The following MGAT4C variants were observed in gnomAD, a reference collection of about 807,000 sequenced individuals.
MGAT4C encodes alpha-1,3-mannosyl-glycoprotein 4-beta-N-acetylglucosaminyltransferase C.
Under a neutral mutation model 40.1 loss-of-function variants are expected in MGAT4C, and 19 were observed. The ratio of observed to expected loss-of-function variants is 0.47; its 90% CI spans 0.33 to 0.70. The LOEUF (loss-of-function observed/expected upper bound fraction) is 0.70. MGAT4C is among the 30% of genes least tolerant of loss of function. The pLI, the probability that MGAT4C is intolerant of heterozygous loss-of-function variation, is 0.02. For missense variants in MGAT4C, 491 were observed against 563.2 expected, an observed-to-expected ratio of 0.87 and a Z score of 1.30; for synonymous variants, 181 against 187.1, an observed-to-expected ratio of 0.97 and a Z score of 0.27.
At chr12:86,590,424 T>C (rs909601181) in intron 2 of MGAT4C, among the ~76,000 whole-genome samples, 1 of 151,906 alleles carries the variant, frequency 6.6e-6, no homozygotes. Context: ...GCTCACTACA[T>C]ATGGCTTCAT....
intron 2 of MGAT4C, among the ~76,000 whole-genome samples, chr12:86,563,145 A>C (rs1277621887): frequency 6.6e-6 from 1 of 152,176 alleles, no homozygotes. Context: ...GAACACTTGC[A>C]TCCCTGAAGA....
At position 86,485,525 on chromosome 12, in the gene MGAT4C, A is replaced by G. The variant is rs1425861745; in HGVS notation, c.-228-50260T>C. On this transcript the variant is annotated intron_variant, in intron 2 of 7. Transcript: ENST00000548651. ...GTTCTTCAAGTCAACTCACTCAGAA[A>G]TTAATAATAAAGAAAAGAAATTTAA... 3.3e-5 allele frequency among the ~76,000 whole-genome samples: 5 copies of G among 152,328 alleles called. No individual in the cohort carries two copies. The South Asian group carries it at 8.3e-4, about 25-fold the overall frequency.
intron 2 of MGAT4C, among the ~76,000 whole-genome samples, chr12:86,027,371 T>A (rs1890334379): frequency 6.6e-6 from 1 of 151,902 alleles, no homozygotes; most frequent in African/African-American, 2.4e-5. Context: ...GTAATTTTGT[T>A]ACATTTTTAT....
intron 2 of MGAT4C, among the ~76,000 whole-genome samples, chr12:86,650,374 C>A (rs1483657432): frequency 6.6e-6 from 1 of 151,886 alleles, no homozygotes; most frequent in South Asian, 2.1e-4. Flanking sequence ...CAAAGAGGAA[C>A]CCCATTATTA....
intron 3 of MGAT4C, among the ~76,000 whole-genome samples, chr12:86,420,397 A>G (rs1271868606): frequency 6.6e-6 from 1 of 152,254 alleles, no homozygotes; most frequent in Middle Eastern, 3.4e-3. Flanking sequence ...GAAAATTAAA[A>G]AAAAATTAAA....
chr12:86,461,285 T>C (rs995500946), intron 2 of MGAT4C, among the ~76,000 whole-genome samples: 6 of 146,952 alleles, frequency 4.1e-5, no homozygotes, highest in Non-Finnish European at 9.0e-5. Flanking sequence ...GTCGCCCAGG[T>C]CGGACTGCGG....
In MGAT4C at chr12:86,137,143, G is replaced by A. The variant is rs557150884; in HGVS notation, c.-56-87420C>T. ...ACCTTATATACATTCTTTCCAAGTC[G>A]AAATGAATTATTTTCAGCATCCCAT... On this transcript the variant is annotated intron_variant, in intron 1 of 4. Coordinates refer to ENST00000611864, the MANE Select transcript of MGAT4C (RefSeq NM_001351288.2). Among the ~76,000 whole-genome samples, 46 of 152,134 alleles carry A rather than the reference G, an allele frequency of 3.0e-4. No individual in the cohort carries two copies. The Middle Eastern group carries it at 0.01, about 34-fold the overall frequency.
Position 85,964,536 on chromosome 12 carries a change from G to C in MGAT4C, c.*14753C>G, listed in dbSNP as rs764984880. ...TTAAACTTAAGGGAATTCAGGTAAA[G>C]GAAATTGACTAGGTTAAGGCAAATA... On this transcript the variant is annotated 3_prime_UTR_variant, in exon 5 of 5. Coordinates refer to ENST00000611864, the MANE Select transcript of MGAT4C (RefSeq NM_001351288.2). The C allele has an allele frequency of 6.6e-6, 1 of 151,966 alleles. No individual in the cohort carries two copies. The highest frequency in any genetic ancestry group is 2.4e-5 in the African/African-American group (1 of 41,388). The allele number at this position is 151,966 out of a possible 1,614,324, so 9.4% of individuals were successfully genotyped here. A position where few individuals can be genotyped will look rare whatever the true frequency, so the allele number is the denominator to read the frequency against.
intron 3 of MGAT4C, among the ~76,000 whole-genome samples, chr12:86,363,972 T>TCA (rs58352727): frequency 2.4e-4 from 35 of 148,778 alleles, no homozygotes; most frequent in Middle Eastern, 6.9e-3. Context: ...TCTCTCTCTC[T>TCA]CACACACACA....
chr12:86,633,582 T>A (rs1238379465), intron 2 of MGAT4C, among the ~76,000 whole-genome samples: 1 of 152,082 alleles, frequency 6.6e-6, no homozygotes, highest in African/African-American at 2.4e-5. Flanking sequence ...ATCTCAAAAA[T>A]AATTAGATGC....
chr12:86,714,186 C>T (rs936385142), intron 2 of MGAT4C, among the ~76,000 whole-genome samples: 30 of 152,036 alleles, frequency 2.0e-4, no homozygotes, highest in Non-Finnish European at 4.3e-4. Flanking sequence ...AGAGAAAATA[C>T]TTCAGTATTT....
intron 2 of MGAT4C, among the ~76,000 whole-genome samples, chr12:86,723,759 T>C (rs1486678840): frequency 2.0e-5 from 3 of 152,214 alleles, no homozygotes; most frequent in Non-Finnish European, 4.4e-5. Context: ...TATCATTTTT[T>C]CTAACAGTTT....
chr12:86,518,463 T>C (rs1958736477), intron 2 of MGAT4C, among the ~76,000 whole-genome samples: 1 of 152,214 alleles, frequency 6.6e-6, no homozygotes, highest in Non-Finnish European at 1.5e-5. Context: ...TTCTCATACA[T>C]GAAATGCAAA....
intron 2 of MGAT4C, among the ~76,000 whole-genome samples, chr12:86,014,029 T>G (rs2136831956): frequency 6.6e-6 from 1 of 152,288 alleles, no homozygotes. Context: ...ACTGTAATTT[T>G]CCTTTCCTGC....
intron 1 of MGAT4C, among the ~76,000 whole-genome samples, chr12:86,769,581 C>T (rs1951590029): frequency 6.6e-6 from 1 of 152,104 alleles, no homozygotes; most frequent in Non-Finnish European, 1.5e-5. Flanking sequence ...TTTATTGCAG[C>T]ACTATTCACA....
rs529080448 is a variant in MGAT4C, at chr12:86,102,110, G to A, written c.-56-52387C>T. 3.8e-4 allele frequency among the ~76,000 whole-genome samples: 58 copies of A among 151,862 alleles called. 1 individual carries two copies. Among genetic ancestry groups the A allele is most frequent in the African/African-American group, 1.3e-3 (55 of 41,480 alleles). On this transcript the variant is annotated intron_variant, in intron 1 of 4. Transcript: ENST00000611864. The stretch of plus-strand genomic sequence containing the variant: ...ATCTTATTTGAAAGATTTAACCATC[G>A]CACTTCATTAAAATATAAACAGTTA...
At chr12:86,831,177 C>T (rs1208658802) in intron 1 of MGAT4C, among the ~76,000 whole-genome samples, 2 of 151,576 alleles carry the variant, frequency 1.3e-5, no homozygotes, top group Non-Finnish European at 2.9e-5. Context: ...TCTACCTATT[C>T]TCATAAAGAT....
intron 3 of MGAT4C, among the ~76,000 whole-genome samples, chr12:86,376,656 A>C (rs1955827226): frequency 6.6e-6 from 1 of 152,096 alleles, no homozygotes; most frequent in Admixed American, 6.6e-5. Flanking sequence ...CCATAAGAAA[A>C]CATAAGTATT....
chr12:86,688,456 T>A (rs1950114624), intron 2 of MGAT4C, among the ~76,000 whole-genome samples: 1 of 152,132 alleles, frequency 6.6e-6, no homozygotes, highest in Admixed American at 6.5e-5. Context: ...GTCTTTACAA[T>A]TTGGTACATT....
Sources: gnomAD v4.1 joint callset for allele counts (sites outside exome capture counted in the v4.1 genomes callset) on GRCh38, gnomAD v4.1.1 for gene constraint, MANE v1.5 for transcripts, NCBI Gene and HGNC (gene_info 2026-07-23, HGNC 2026-07-21) for gene names.